Variants in DPP6 observed in about 807,000 individuals in gnomAD.
DPP6 encodes the protein dipeptidyl peptidase like 6, also known as A-type potassium channel modulatory protein DPP6.
In DPP6, 69 loss-of-function variants were observed where a neutral mutation model predicts 122.6. The observed-to-expected ratio is 0.56, with a 90% CI of 0.46 to 0.69. The LOEUF is 0.69. Ranked by LOEUF, DPP6 falls within the 30% of genes least tolerant of loss-of-function variation. The probability of loss-of-function intolerance (pLI) is 0.00; values close to 1 mark genes in which losing one functional copy is unlikely to be tolerated. For missense variants in DPP6, 928 were observed against 1,116.9 expected (o/e 0.83, Z 2.41); for synonymous variants, 418 against 433.1 (o/e 0.97, Z 0.43).
intron 1 of DPP6, among the ~76,000 whole-genome samples, chr7:154,105,188 T>C (rs1419829855): frequency 6.6e-6 from 1 of 152,220 alleles, no homozygotes; most frequent in Non-Finnish European, 1.5e-5. Context: ...CTCTGACACG[T>C]AATCTAAGAT....
At chr7:154,546,963 C>T (rs1190437550) in intron 4 of DPP6, among the ~76,000 whole-genome samples, 1 of 152,252 alleles carries the variant, frequency 6.6e-6, no homozygotes, top group Non-Finnish European at 1.5e-5. Context: ...GTCCTCTCAG[C>T]CCTGAAACAG....
At chr7:154,471,407 AT>A (rs1450372594) in intron 2 of DPP6, among the ~76,000 whole-genome samples, 1 of 152,158 alleles carries the variant, frequency 6.6e-6, no homozygotes, top group Non-Finnish European at 1.5e-5. Flanking sequence ...TCCTCAAGTC[AT>A]AGAGACTGAA....
intron 1 of DPP6, among the ~76,000 whole-genome samples, chr7:154,352,030 G>A (rs1475406883): frequency 6.6e-6 from 1 of 152,076 alleles, no homozygotes; most frequent in Non-Finnish European, 1.5e-5. Context: ...CTGCCCCTTT[G>A]GGCACTGCTG....
intron 1 of DPP6, among the ~76,000 whole-genome samples, chr7:154,264,284 A>C (rs547703562): frequency 6.6e-6 from 1 of 152,202 alleles, no homozygotes; most frequent in South Asian, 2.1e-4. Flanking sequence ...CATACAATTC[A>C]TAACAAAGCT....
the DPP6 span, among the ~76,000 whole-genome samples, chr7:153,843,089 C>T: frequency 4.0e-5 from 6 of 150,794 alleles, no homozygotes; most frequent in East Asian, 1.9e-4. Flanking sequence ...CGCACACACA[C>T]GAGTGCATAC....
At chr7:153,972,872 G>T (rs1171191360) in intron 1 of DPP6, among the ~76,000 whole-genome samples, 6 of 151,522 alleles carry the variant, frequency 4.0e-5, no homozygotes, top group African/African-American at 1.2e-4. Flanking sequence ...AGGATTTTGT[G>T]AAACTCACAT....
intron 2 of DPP6, among the ~76,000 whole-genome samples, chr7:154,473,118 T>C (rs968848346): frequency 6.6e-6 from 1 of 152,352 alleles, no homozygotes; most frequent in African/African-American, 2.4e-5. Flanking sequence ...AATTTCAACA[T>C]GATTATTATT....
At chr7:154,616,109 GC>G (rs1275322600) in intron 5 of DPP6, among the ~76,000 whole-genome samples, 1 of 152,114 alleles carries the variant, frequency 6.6e-6, no homozygotes, top group Non-Finnish European at 1.5e-5. Context: ...TTTGGGTACA[GC>G]CCCACCCAGA....
At chr7:154,301,028 T>C (rs187634225) in intron 1 of DPP6, among the ~76,000 whole-genome samples, 89 of 152,322 alleles carry the variant, frequency 5.8e-4, no homozygotes, top group African/African-American at 2.1e-3. Context: ...GTTTAGGGTC[T>C]AGACTGCCAA....
the DPP6 span, among the ~76,000 whole-genome samples, chr7:153,841,892 T>A: frequency 6.6e-6 from 1 of 152,244 alleles, no homozygotes; most frequent in Admixed American, 6.5e-5. Context: ...TTCGTTTTGC[T>A]TAAGAAATTT....
At chr7:154,111,267 G>C (rs71532627) in intron 1 of DPP6, among the ~76,000 whole-genome samples, 1 of 152,198 alleles carries the variant, frequency 6.6e-6, no homozygotes, top group East Asian at 1.9e-4. Context: ...TCAGAGAGCA[G>C]GTCTTCAGTA....
At chr7:153,889,075 G>C (rs1167413336) in intron 1 of DPP6, among the ~76,000 whole-genome samples, 1 of 152,214 alleles carries the variant, frequency 6.6e-6, no homozygotes. Context: ...ACTCTGGACG[G>C]AGGTGTGAGT....
At chr7:153,794,617 A>G in the DPP6 span, among the ~76,000 whole-genome samples, 1 of 151,842 alleles carries the variant, frequency 6.6e-6, no homozygotes, top group Non-Finnish European at 1.5e-5. Flanking sequence ...ACTTTGGGGG[A>G]CTGTTGGGAA....
At chr7:154,570,363 C>G (rs906326726) in intron 5 of DPP6, among the ~76,000 whole-genome samples, 1 of 151,910 alleles carries the variant, frequency 6.6e-6, no homozygotes, top group Non-Finnish European at 1.5e-5. Context: ...TTGGCATAGA[C>G]TAATTTAATT....
At chr7:154,500,624 T>G (rs1442073116) in intron 3 of DPP6, among the ~76,000 whole-genome samples, 1 of 152,192 alleles carries the variant, frequency 6.6e-6, no homozygotes, top group East Asian at 1.9e-4. Flanking sequence ...CGCTGCCATA[T>G]GAGACATGCC....
At chr7:154,822,121 C>T (rs1264142349) in intron 16 of DPP6, among the ~76,000 whole-genome samples, 5 of 152,220 alleles carry the variant, frequency 3.3e-5, no homozygotes, top group East Asian at 1.9e-4. Flanking sequence ...GCCTTTACGC[C>T]GTTGCATCTT....
chr7:153,819,504 C>G, the DPP6 span, among the ~76,000 whole-genome samples: 1 of 151,814 alleles, frequency 6.6e-6, no homozygotes, highest in Non-Finnish European at 1.5e-5. Flanking sequence ...TGTGGTTGAA[C>G]GAGGGTGACA....
At chr7:154,060,706 CCCCAT>C (rs1801678644) in intron 1 of DPP6, among the ~76,000 whole-genome samples, 1 of 132,936 alleles carries the variant, frequency 7.5e-6, no homozygotes, top group African/African-American at 2.9e-5. Flanking sequence ...CTGTTAGTAC[CCCCAT>C]CGCAGGGGGG....
At chr7:154,824,375 G>A (rs1193751757) in intron 16 of DPP6, among the ~76,000 whole-genome samples, 2 of 152,196 alleles carry the variant, frequency 1.3e-5, no homozygotes, top group South Asian at 2.1e-4. Flanking sequence ...TGCCTCCCGG[G>A]TTCAAGCGAT....
Sources: gnomAD v4.1 joint callset for allele counts (sites outside exome capture counted in the v4.1 genomes callset) on GRCh38, gnomAD v4.1.1 for gene constraint, MANE v1.5 for transcripts, NCBI Gene and HGNC (gene_info 2026-07-23, HGNC 2026-07-21) for gene names.